The following AKR1C3 variants were observed in gnomAD, a reference collection of about 807,000 sequenced individuals.
AKR1C3 encodes the protein aldo-keto reductase family 1 member C3, also known as 3-alpha hydroxysteroid dehydrogenase, type II.
AKR1C3 carries 48 observed loss-of-function variants against 43.6 expected under a neutral mutation model. The ratio of observed to expected loss-of-function variants is 1.10; its 90% confidence interval spans 0.87 to 1.40. The LOEUF (loss-of-function observed/expected upper bound fraction) is 1.40, where lower values mean the gene tolerates loss of function less well. Among genes scored for constraint, AKR1C3 ranks in the 40% most tolerant of loss-of-function variants. The pLI is 0.00. For synonymous variants in AKR1C3, 162 were observed against 139.6 expected (o/e 1.16, Z -1.13); for missense variants, 482 against 391.2 (o/e 1.23, Z -1.96).
intron 1 of AKR1C3, among the ~76,000 whole-genome samples, chr10:5,084,522 C>A (rs1225234754): frequency 6.6e-6 from 1 of 152,068 alleles, no homozygotes; most frequent in Non-Finnish European, 1.5e-5. Flanking sequence ...ATGCCTCCGG[C>A]TTTGTTCTTT....
chr10:5,098,426 T>C (rs1258837619), intron 3 of AKR1C3, among the ~76,000 whole-genome samples: 1 of 152,218 alleles, frequency 6.6e-6, no homozygotes, highest in Admixed American at 6.5e-5. Context: ...CTTCAGGTGG[T>C]CTGATAATCC....
At chr10:5,056,379 G>A (rs1838263819) in intron 1 of AKR1C3, among the ~76,000 whole-genome samples, 1 of 152,164 alleles carries the variant, frequency 6.6e-6, no homozygotes, top group Admixed American at 6.5e-5. Context: ...AGGGTATAGG[G>A]ATTGGGTACA....
chr10:5,084,689 T>C (rs2131822080), intron 1 of AKR1C3, among the ~76,000 whole-genome samples: 1 of 152,310 alleles, frequency 6.6e-6, no homozygotes, highest in East Asian at 1.9e-4. Context: ...TTTCATGATA[T>C]TGATTCTTCC....
Position 5,098,893 on chromosome 10 carries a change from G to A in AKR1C3, c.447+14G>A, listed in dbSNP as rs145103762. 155 of 1,597,784 alleles carry A rather than the reference G, an allele frequency of 9.7e-5. No homozygotes were observed. In the East Asian group the frequency reaches 1.4e-3, roughly 14 times the overall value. The stretch of plus-strand genomic sequence containing the variant: ...ACCACCTGGGAGGTGAGTGCTTGGC[G>A]GAGAGGACACAGAGAAGGATGACAA... On this transcript the variant is annotated intron_variant, in intron 4 of 8. Transcript: ENST00000380554.
chr10:5,082,441 T>C (rs985197111), intron 1 of AKR1C3, among the ~76,000 whole-genome samples: 9 of 152,182 alleles, frequency 5.9e-5, no homozygotes, highest in African/African-American at 2.2e-4. Context: ...ATGTCCCTTA[T>C]TATTTTGAGT....
intron 1 of AKR1C3, among the ~76,000 whole-genome samples, chr10:5,062,818 C>T (rs1344707559): frequency 1.4e-5 from 2 of 145,410 alleles, no homozygotes; most frequent in African/African-American, 5.1e-5. Context: ...CCAGCCAGTT[C>T]ATTACTTAGC....
At chr10:5,060,447 T>C (rs4242784) in intron 1 of AKR1C3, among the ~76,000 whole-genome samples, 86,443 of 152,052 alleles carry the variant, frequency 0.57, 25,550 homozygotes, top group East Asian at 0.79. Flanking sequence ...ACCAGAGTAG[T>C]TAGATACAGA....
intron 1 of AKR1C3, among the ~76,000 whole-genome samples, chr10:5,089,077 T>C (rs1269337143): frequency 6.6e-6 from 1 of 152,096 alleles, no homozygotes; most frequent in Admixed American, 6.6e-5. Context: ...AGGCCCCCAA[T>C]ATCTTCCGAC....
chr10:5,079,578 T>G (rs543720455), intron 1 of AKR1C3, among the ~76,000 whole-genome samples: 24 of 151,762 alleles, frequency 1.6e-4, no homozygotes, highest in African/African-American at 5.8e-4. Flanking sequence ...TTTAAAGGTC[T>G]GACTGAGAAA....
chr10:5,055,885 C>T (rs1202944498), intron 1 of AKR1C3, among the ~76,000 whole-genome samples: 2 of 152,172 alleles, frequency 1.3e-5, no homozygotes, highest in African/African-American at 4.8e-5. Context: ...GCCGGTAATT[C>T]CAAGGAACCC....
intron 1 of AKR1C3, 29 bp from the exon 2 acceptor site, chr10:5,096,381 C>T (rs782339127): frequency 9.3e-6 from 15 of 1,606,890 alleles, no homozygotes; most frequent in Middle Eastern, 1.7e-4. Flanking sequence ...ACAGTGATCA[C>T]CAGATACTAC....
intron 1 of AKR1C3, among the ~76,000 whole-genome samples, chr10:5,094,808 A>T (rs1839171566): frequency 6.6e-6 from 1 of 152,294 alleles, no homozygotes; most frequent in African/African-American, 2.4e-5. Context: ...ATTGAAGAAC[A>T]CTGTTGGTCA....
chr10:5,074,224 G>A (rs886182429), intron 1 of AKR1C3, among the ~76,000 whole-genome samples: 3 of 152,100 alleles, frequency 2.0e-5, no homozygotes, highest in South Asian at 2.1e-4. Context: ...CCCCGACCAC[G>A]TTGGACACAT....
chr10:5,090,726 A>T (rs1839071124), upstream of AKR1C3, among the ~76,000 whole-genome samples: 1 of 152,058 alleles, frequency 6.6e-6, no homozygotes, highest in Non-Finnish European at 1.5e-5. Flanking sequence ...GCATTGTTAT[A>T]CTGTGTTGGG....
intron 1 of AKR1C3, among the ~76,000 whole-genome samples, chr10:5,064,978 G>A (rs1838468669): frequency 6.8e-6 from 1 of 147,286 alleles, no homozygotes; most frequent in African/African-American, 2.5e-5. Context: ...TTTAAAAGAA[G>A]ACATACTTGT....
At chr10:5,060,708 G>A (rs1188129310) in intron 1 of AKR1C3, among the ~76,000 whole-genome samples, 1 of 152,228 alleles carries the variant, frequency 6.6e-6, no homozygotes, top group Non-Finnish European at 1.5e-5. Context: ...CCCTTGGGTG[G>A]TCAATGGGAC....
At chr10:5,087,903 T>C (rs991871210) in intron 1 of AKR1C3, among the ~76,000 whole-genome samples, 1 of 152,144 alleles carries the variant, frequency 6.6e-6, no homozygotes, top group East Asian at 1.9e-4. Flanking sequence ...TCTAGTTCCT[T>C]AGAAGTGACT....
chr10:5,063,952 C>T (rs530487887), intron 1 of AKR1C3, among the ~76,000 whole-genome samples: 26 of 152,028 alleles, frequency 1.7e-4, no homozygotes, highest in East Asian at 9.7e-4. Context: ...TCGCCAACTA[C>T]GTTTATGTCA....
chr10:5,096,851 G>C (rs1477665357), intron 2 of AKR1C3, among the ~76,000 whole-genome samples: 4 of 152,260 alleles, frequency 2.6e-5, no homozygotes, highest in African/African-American at 9.6e-5. Flanking sequence ...GAATCACAGA[G>C]AACAATAATC....
Sources: allele counts gnomAD v4.1 joint callset (sites outside exome capture counted in the v4.1 genomes callset), GRCh38; gene constraint gnomAD v4.1.1; transcripts MANE v1.5; gene names NCBI Gene and HGNC (gene_info 2026-07-23, HGNC 2026-07-21).